ZBTB2: variants seen among roughly 807,000 people sequenced by gnomAD.
ZBTB2 encodes zinc finger and BTB domain-containing protein 2.
Under a neutral mutation model 39.5 loss-of-function variants are expected in ZBTB2, and 2 were observed. The observed-to-expected ratio is 0.05, with a 90% CI of 0.02 to 0.16. The LOEUF (loss-of-function observed/expected upper bound fraction) is 0.16, where lower values mean the gene tolerates loss of function less well. Among genes scored for constraint, ZBTB2 ranks in the 10% least tolerant of loss-of-function variants. ZBTB2 has a pLI of 1.00. For synonymous variants in ZBTB2, 251 were observed against 256.6 expected, an observed-to-expected ratio of 0.98 and a Z score of 0.21; for missense variants, 391 against 653.0, an observed-to-expected ratio of 0.60 and a Z score of 4.37.
chr6:151,390,028 G>A (rs1028533169), intron 1 of ZBTB2, among the ~76,000 whole-genome samples: 4 of 151,836 alleles, frequency 2.6e-5, no homozygotes, highest in African/African-American at 7.3e-5. Flanking sequence ...GTTGGGGCGT[G>A]AGGGCCGCGC....
intron 1 of ZBTB2, among the ~76,000 whole-genome samples, chr6:151,390,046 A>G (rs984319256): frequency 1.3e-5 from 2 of 151,732 alleles, no homozygotes; most frequent in African/African-American, 4.8e-5. Context: ...CGCGGGTCCC[A>G]CGCCCCAAGG....
At chr6:151,377,369 ATTTTTTTTT>A (rs754374133) in intron 1 of ZBTB2, among the ~76,000 whole-genome samples, 1 of 138,750 alleles carries the variant, frequency 7.2e-6, no homozygotes, top group African/African-American at 2.7e-5. Flanking sequence ...ATAAAGTTCA[ATTTTTTTTT>A]TTTTTTTGAG....
chr6:151,380,568 C>T (rs933316831), intron 1 of ZBTB2, among the ~76,000 whole-genome samples: 2 of 152,200 alleles, frequency 1.3e-5, no homozygotes, highest in African/African-American at 4.8e-5. Flanking sequence ...GGCCAGCTCC[C>T]GCCCGGCTCT....
At chr6:151,373,740 A>G (rs564788545) in intron 1 of ZBTB2, 91 bp from the exon 2 acceptor site, 1 of 1,204,708 alleles carries the variant, frequency 8.3e-7, no homozygotes, top group Non-Finnish European at 1.2e-6. Context: ...CATAGCTAAC[A>G]TGTCATCATA....
At chr6:151,388,481 T>TTGAAATC (rs1407242457) in intron 1 of ZBTB2, among the ~76,000 whole-genome samples, 4 of 152,248 alleles carry the variant, frequency 2.6e-5, no homozygotes, top group Non-Finnish European at 5.9e-5. Context: ...ATGCTGTGGG[T>TTGAAATC]ACTTGAAATC....
intron 1 of ZBTB2, among the ~76,000 whole-genome samples, chr6:151,378,948 G>A (rs566125690): frequency 5.3e-5 from 8 of 152,242 alleles, no homozygotes; most frequent in Non-Finnish European, 1.0e-4. Context: ...GGGTTAGAGA[G>A]GGTAGGTGGC....
chr6:151,384,004 C>G (rs953243118), intron 1 of ZBTB2, among the ~76,000 whole-genome samples: 8 of 152,126 alleles, frequency 5.3e-5, no homozygotes, highest in African/African-American at 1.9e-4. Context: ...GAGTTCCAGT[C>G]AAGGCTCAGC....
intron 2 of ZBTB2, among the ~76,000 whole-genome samples, chr6:151,372,670 GAA>G (rs1027421183): frequency 2.6e-5 from 4 of 152,158 alleles, no homozygotes; most frequent in African/African-American, 9.7e-5. Context: ...TTTTAAGATA[GAA>G]AAGAGGGAAA....
At chr6:151,367,427 A>C (rs1778675877) in intron 2 of ZBTB2, among the ~76,000 whole-genome samples, 1 of 151,688 alleles carries the variant, frequency 6.6e-6, no homozygotes, top group Non-Finnish European at 1.5e-5. Context: ...GGCCAAGTTA[A>C]ATTAAATATT....
chr6:151,383,255 G>C (rs752990935), intron 1 of ZBTB2, among the ~76,000 whole-genome samples: 3 of 151,944 alleles, frequency 2.0e-5, no homozygotes, highest in Non-Finnish European at 4.4e-5. Context: ...TTGCTATGTT[G>C]CCCAGGCTGG....
intron 1 of ZBTB2, among the ~76,000 whole-genome samples, chr6:151,382,032 C>G (rs1779044415): frequency 6.6e-6 from 1 of 152,132 alleles, no homozygotes; most frequent in African/African-American, 2.4e-5. Flanking sequence ...CAGGCCTAGG[C>G]TATATGGTAA....
intron 1 of ZBTB2, 35 bp from the exon 2 acceptor site, chr6:151,373,684 A>G: frequency 6.3e-7 from 1 of 1,584,714 alleles, no homozygotes; most frequent in Non-Finnish European, 8.6e-7. Flanking sequence ...TAAGAAGGTG[A>G]TTCACAAATA....
intron 1 of ZBTB2, among the ~76,000 whole-genome samples, chr6:151,389,022 A>G (rs1052576402): frequency 6.6e-6 from 1 of 152,244 alleles, no homozygotes; most frequent in Non-Finnish European, 1.5e-5. Context: ...GATGGCTTCA[A>G]TAACTGGACA....
chr6:151,369,890 A>G (rs1055095358), intron 2 of ZBTB2, among the ~76,000 whole-genome samples: 2 of 152,046 alleles, frequency 1.3e-5, no homozygotes, highest in Admixed American at 1.3e-4. Flanking sequence ...CCTGGGCGAC[A>G]AGAGCGAGAC....
intron 1 of ZBTB2, among the ~76,000 whole-genome samples, chr6:151,378,836 G>A (rs553641471): frequency 4.6e-5 from 7 of 152,324 alleles, no homozygotes; most frequent in Admixed American, 2.0e-4. Flanking sequence ...GTTTCTTATG[G>A]AGTGCTACTA....
chr6:151,381,050 T>G (rs530600716), intron 1 of ZBTB2, among the ~76,000 whole-genome samples: 10 of 152,124 alleles, frequency 6.6e-5, no homozygotes, highest in Non-Finnish European at 1.5e-4. Flanking sequence ...GGCTCCATTC[T>G]CTTACTCCTC....
At chr6:151,368,340 G>A (rs188831402) in intron 2 of ZBTB2, among the ~76,000 whole-genome samples, 13 of 152,146 alleles carry the variant, frequency 8.5e-5, no homozygotes, top group East Asian at 3.9e-4. Context: ...TAGTAGAGAC[G>A]GGGTTTCACC....
intron 1 of ZBTB2, among the ~76,000 whole-genome samples, chr6:151,375,765 C>T (rs1054481806): frequency 9.2e-5 from 14 of 152,136 alleles, no homozygotes; most frequent in Admixed American, 4.6e-4. Flanking sequence ...GATGGGGTTT[C>T]ACCATGTTGG....
chr6:151,380,241 G>A (rs1360919750), intron 1 of ZBTB2, among the ~76,000 whole-genome samples: 1 of 151,988 alleles, frequency 6.6e-6, no homozygotes, highest in African/African-American at 2.4e-5. Context: ...ATCTTCTTTT[G>A]GAGACCAAAA....
Sources: gnomAD v4.1 joint callset for allele counts (sites outside exome capture counted in the v4.1 genomes callset) on GRCh38, gnomAD v4.1.1 for gene constraint, MANE v1.5 for transcripts, NCBI Gene and HGNC (gene_info 2026-07-23, HGNC 2026-07-21) for gene names.